Variants in ABI3BP observed in about 807,000 individuals in gnomAD.
ABI3BP encodes the protein ABI family member 3 binding protein.
Under a neutral mutation model 268.6 loss-of-function variants are expected in ABI3BP, and 216 were observed. The ratio of observed to expected loss-of-function variants is 0.80; its 90% CI spans 0.72 to 0.90. The LOEUF (loss-of-function observed/expected upper bound fraction) is 0.90, where lower values mean the gene tolerates loss of function less well. ABI3BP is among the 40% of genes least tolerant of loss of function. The pLI, the probability that ABI3BP is intolerant of heterozygous loss-of-function variation, is 0.00. For missense variants in ABI3BP, 2,090 were observed against 2,182.4 expected (o/e 0.96, Z 0.84); for synonymous variants, 730 against 730.0 (o/e 1.00, Z 0.00).
At chr3:100,955,000 T>TCCA (rs1405142027) in intron 1 of ABI3BP, among the ~76,000 whole-genome samples, 1 of 108,246 alleles carries the variant, frequency 9.2e-6, no homozygotes, top group Admixed American at 1.0e-4. Flanking sequence ...TTTTTTTTTT[T>TCCA]ACGAATCATA....
chr3:100,808,225 C>T lies in ABI3BP; in HGVS notation c.3618G>A (p.Gln1206=). ...TTGGCTTAGGAGGAGCACGTGGTGT[C>T]TGCTTGGGAGCTAAAAGAAAGGATA... ...DEPQTEPAPK[Q]TPRAPPKPKT... Residue 1206 remains glutamine, a synonymous_variant, in exon 50 of 68, where the codon CAG becomes CAA. Transcript: ENST00000471714. 1 of 1,609,900 alleles carries T rather than the reference C, an allele frequency of 6.2e-7. No homozygotes were observed. The highest frequency in any genetic ancestry group is 8.5e-7 in the Non-Finnish European group (1 of 1,177,778).
chr3:100,756,888 C>T (rs9818126), intron 63 of ABI3BP, among the ~76,000 whole-genome samples: 6,153 of 150,164 alleles, frequency 0.041, 372 homozygotes, highest in African/African-American at 0.13. Flanking sequence ...TTTGTTTTGG[C>T]CTGATTAAAC....
At chr3:100,835,483 T>C (rs2098560593) in intron 28 of ABI3BP, 118 bp downstream of exon 28, 2 of 756,704 alleles carry the variant, frequency 2.6e-6, no homozygotes, top group Non-Finnish European at 4.1e-6. Context: ...TATAGTTCAA[T>C]GACAAGAGGA....
At chr3:100,992,705 C>T (rs1196184449) in intron 1 of ABI3BP, among the ~76,000 whole-genome samples, 1 of 152,130 alleles carries the variant, frequency 6.6e-6, no homozygotes, top group Non-Finnish European at 1.5e-5. Context: ...AAACAAAATA[C>T]CAACACTAAA....
intron 4 of ABI3BP, among the ~76,000 whole-genome samples, chr3:100,892,803 C>T (rs2045382032): frequency 6.6e-6 from 1 of 152,104 alleles, no homozygotes; most frequent in Admixed American, 6.5e-5. Context: ...AAAGACTAGA[C>T]ATAGATAAGA....
At chr3:100,839,286 T>C (rs899659862) in intron 24 of ABI3BP, among the ~76,000 whole-genome samples, 1 of 151,916 alleles carries the variant, frequency 6.6e-6, no homozygotes, top group Non-Finnish European at 1.5e-5. Flanking sequence ...TGAGAAGGAG[T>C]TGATGGCTTT....
chr3:100,862,586 G>T, intron 13 of ABI3BP: 1 of 581,192 alleles, frequency 1.7e-6, no homozygotes. Flanking sequence ...AGAGAGACCA[G>T]AGTTTGGTGT....
chr3:100,866,857 A>G, intron 10 of ABI3BP, 22 bp downstream of exon 10: 1 of 1,605,962 alleles, frequency 6.2e-7, no homozygotes, highest in Non-Finnish European at 8.5e-7. Flanking sequence ...TCTCAAGGTC[A>G]ACAACATAGC....
rs1156288456 is a variant in ABI3BP, at chr3:100,822,661, A to G, written c.2815T>C (p.Ser939Pro). ...AGACGTGGACGACGTGTCCGTTGTG[A>G]TGTTTTGGAAGCTGAAGGAAGAAGT... ...EASTTLASKT[S>P]QRTRRPRLRT... Residue 939 changes from serine to proline, a missense_variant, in exon 38 of 68, where the codon TCA becomes CCA. Coordinates refer to ENST00000471714, the MANE Select transcript of ABI3BP (RefSeq NM_001375547.2). The G allele has an allele frequency of 6.5e-6, 10 of 1,536,476 alleles. No homozygotes were observed. The African/African-American group carries it at 1.1e-4, about 17-fold the overall frequency.
intron 1 of ABI3BP, among the ~76,000 whole-genome samples, chr3:100,946,655 G>T (rs1169791910): frequency 6.6e-6 from 1 of 151,838 alleles, no homozygotes; most frequent in Non-Finnish European, 1.5e-5. Flanking sequence ...GGGCGTGGTG[G>T]TGCATGCCTG....
rs1040671539 is a variant in ABI3BP at position 100,753,431 on chromosome 3, G to A, written c.4960+388C>T. Among the ~76,000 whole-genome samples the A allele has an allele frequency of 3.3e-5, 5 of 152,024 alleles. No individual in the cohort carries two copies. The East Asian group carries it at 7.7e-4, about 24-fold the overall frequency. ...CTCCCAAGTAGCTAGGACCACAGGT[G>A]TGCATCATCATGCCTAGCTAATTTT... On this transcript the variant is annotated intron_variant, in intron 65 of 67. Coordinates refer to ENST00000471714, the MANE Select transcript of ABI3BP (RefSeq NM_001375547.2).
chr3:100,969,949 G>A (rs534328774), intron 1 of ABI3BP, among the ~76,000 whole-genome samples: 2 of 152,126 alleles, frequency 1.3e-5, no homozygotes, highest in East Asian at 1.9e-4. Context: ...ATTATTAAAT[G>A]GCCTTCATTT....
At chr3:100,830,133 A>ATG (rs1560540195) in intron 32 of ABI3BP, among the ~76,000 whole-genome samples, 1 of 52,690 alleles carries the variant, frequency 1.9e-5, no homozygotes, top group Non-Finnish European at 5.0e-5. Flanking sequence ...ATATATATAT[A>ATG]TATATATATA....
At chr3:100,896,074 GT>G (rs1209370645) in intron 4 of ABI3BP, among the ~76,000 whole-genome samples, 3 of 152,162 alleles carry the variant, frequency 2.0e-5, no homozygotes, top group African/African-American at 7.2e-5. Context: ...TGTCCTAATG[GT>G]TCCCTACTTT....
intron 38 of ABI3BP, among the ~76,000 whole-genome samples, chr3:100,821,508 G>T (rs1330912271): frequency 6.6e-6 from 1 of 151,728 alleles, no homozygotes; most frequent in East Asian, 1.9e-4. Context: ...AATCTCAACT[G>T]CTCCATCAAG....
At chr3:100,888,321 A>G in intron 4 of ABI3BP, among the ~76,000 whole-genome samples, 1 of 152,120 alleles carries the variant, frequency 6.6e-6, no homozygotes, top group Non-Finnish European at 1.5e-5. Context: ...GTGATTTATG[A>G]AATGCATTTC....
intron 14 of ABI3BP, 69 bp downstream of exon 14, chr3:100,862,242 C>T: frequency 9.7e-7 from 1 of 1,032,134 alleles, no homozygotes; most frequent in Non-Finnish European, 1.4e-6. Flanking sequence ...ATTAAGGAAC[C>T]TATAAAAACA....
At chr3:100,920,450 G>A (rs1286425625) in intron 2 of ABI3BP, among the ~76,000 whole-genome samples, 2 of 151,960 alleles carry the variant, frequency 1.3e-5, no homozygotes, top group Admixed American at 1.3e-4. Flanking sequence ...TTAAGATGGA[G>A]TCTTGCTCTG....
Position 100,953,573 on chromosome 3 carries a change from A to G in ABI3BP, c.80-27092T>C, listed in dbSNP as rs145535609. Among the ~76,000 whole-genome samples, 334 of 152,038 alleles carry G rather than the reference A, an allele frequency of 2.2e-3. 1 individual carries two copies. Among genetic ancestry groups the G allele is most frequent in the African/African-American group, 7.0e-3 (291 of 41,482 alleles). ...AAGAAAATAAGGATTTTTCTGAGGC[A>G]TGTAAGAAGATACTGTTAGAAACAC... On this transcript the variant is annotated intron_variant, in intron 1 of 67. Transcript: ENST00000471714.
Sources: allele counts gnomAD v4.1 joint callset (sites outside exome capture counted in the v4.1 genomes callset), GRCh38; gene constraint gnomAD v4.1.1; transcripts MANE v1.5; gene names NCBI Gene and HGNC (gene_info 2026-07-23, HGNC 2026-07-21).